Variants in CACNB2 observed in about 807,000 individuals in gnomAD.
CACNB2 encodes the protein calcium voltage-gated channel auxiliary subunit beta 2, also known as voltage-dependent L-type calcium channel subunit beta-2.
Under a neutral mutation model 73.3 loss-of-function variants are expected in CACNB2, and 42 were observed. That is an observed-to-expected ratio of 0.57 (90% CI 0.45 to 0.74). The LOEUF is 0.74. CACNB2 is among the 30% of genes least tolerant of loss of function. The probability of loss-of-function intolerance (pLI) is 0.00; values close to 1 mark genes in which losing one functional copy is unlikely to be tolerated. For missense variants in CACNB2, 940 were observed against 853.0 expected (o/e 1.10, Z -1.27); for synonymous variants, 348 against 310.3 (o/e 1.12, Z -1.28).
intron 3 of CACNB2, among the ~76,000 whole-genome samples, chr10:18,433,124 G>GATATATATATATAT (rs68101548): frequency 6.7e-6 from 1 of 148,492 alleles, no homozygotes; most frequent in Admixed American, 6.7e-5. Flanking sequence ...TGCGTGTATT[G>GATATATATATATAT]ATATATATAT....
intron 2 of CACNB2, among the ~76,000 whole-genome samples, chr10:18,225,522 CT>C (rs2035954383): frequency 7.2e-6 from 1 of 139,656 alleles, no homozygotes; most frequent in Non-Finnish European, 1.5e-5. Flanking sequence ...TTCTCTCTCT[CT>C]TTTCTTTTCT....
chr10:18,233,635 G>A (rs2036310253), intron 2 of CACNB2, among the ~76,000 whole-genome samples: 1 of 152,152 alleles, frequency 6.6e-6, no homozygotes, highest in East Asian at 1.9e-4. Flanking sequence ...CATCTTTGTT[G>A]TTCGAAGAGC....
intron 9 of CACNB2, among the ~76,000 whole-genome samples, chr10:18,527,383 A>C (rs1334149783): frequency 2.6e-5 from 4 of 152,196 alleles, no homozygotes; most frequent in Non-Finnish European, 4.4e-5. Context: ...TCTCAAAACA[A>C]ACAAAAAACA....
chr10:18,366,083 T>C (rs1438786131), intron 2 of CACNB2, among the ~76,000 whole-genome samples: 4 of 152,202 alleles, frequency 2.6e-5, no homozygotes, highest in African/African-American at 9.6e-5. Flanking sequence ...CCCATCTACC[T>C]GGCTCACTGG....
chr10:18,460,688 C>A (rs112049194), intron 3 of CACNB2, among the ~76,000 whole-genome samples: 1 of 151,896 alleles, frequency 6.6e-6, no homozygotes, highest in Non-Finnish European at 1.5e-5. Flanking sequence ...CCCAGGAGTT[C>A]GAGAGCAGCC....
At chr10:18,398,868 G>A (rs557244159) in intron 2 of CACNB2, among the ~76,000 whole-genome samples, 1 of 152,140 alleles carries the variant, frequency 6.6e-6, no homozygotes, top group Non-Finnish European at 1.5e-5. Flanking sequence ...TCATTGAAGA[G>A]ATTTTTGTTT....
intron 12 of CACNB2, among the ~76,000 whole-genome samples, chr10:18,536,479 C>T (rs1407621025): frequency 6.6e-6 from 1 of 151,178 alleles, no homozygotes; most frequent in Non-Finnish European, 1.5e-5. Context: ...CCAGGCTGGT[C>T]TAGAACTCCT....
intron 2 of CACNB2, among the ~76,000 whole-genome samples, chr10:18,222,489 G>A (rs549180511): frequency 2.0e-5 from 3 of 152,054 alleles, no homozygotes; most frequent in South Asian, 4.2e-4. Flanking sequence ...TGATATTAAA[G>A]AGTTACTATT....
At chr10:18,430,262 A>C (rs897729149) in intron 3 of CACNB2, among the ~76,000 whole-genome samples, 1 of 152,070 alleles carries the variant, frequency 6.6e-6, no homozygotes, top group African/African-American at 2.4e-5. Context: ...AAACACACAA[A>C]CCTGTCTTCG....
chr10:18,525,837 C>A (rs924792242), intron 9 of CACNB2, among the ~76,000 whole-genome samples: 1 of 152,042 alleles, frequency 6.6e-6, no homozygotes, highest in Non-Finnish European at 1.5e-5. Flanking sequence ...TGTTACATTT[C>A]TTTTAACCTT....
intron 2 of CACNB2, among the ~76,000 whole-genome samples, chr10:18,245,341 C>T (rs1450927300): frequency 6.6e-6 from 1 of 152,242 alleles, no homozygotes. Flanking sequence ...TTATTCGAGA[C>T]AGGGTCTCAC....
At chr10:18,276,764 A>C (rs1298089876) in intron 2 of CACNB2, among the ~76,000 whole-genome samples, 1 of 151,946 alleles carries the variant, frequency 6.6e-6, no homozygotes, top group Non-Finnish European at 1.5e-5. Context: ...TTTTTAGTAG[A>C]GACAGGGTTT....
chr10:18,469,638 A>T (rs986210080), intron 3 of CACNB2, among the ~76,000 whole-genome samples: 13 of 152,082 alleles, frequency 8.5e-5, no homozygotes, highest in Non-Finnish European at 1.9e-4. Context: ...TTCGGTTCTA[A>T]CCTCTTAATT....
intron 2 of CACNB2, among the ~76,000 whole-genome samples, chr10:18,269,428 G>T (rs554426054): frequency 6.6e-6 from 1 of 151,984 alleles, no homozygotes; most frequent in Non-Finnish European, 1.5e-5. Context: ...TCAATGTCTT[G>T]CCATATTGCT....
At chr10:18,241,357 T>G (rs1055255198) in intron 2 of CACNB2, among the ~76,000 whole-genome samples, 2 of 152,212 alleles carry the variant, frequency 1.3e-5, no homozygotes, top group African/African-American at 2.4e-5. Flanking sequence ...AAGTGCTTGC[T>G]TTTGTGCTTT....
intron 3 of CACNB2, among the ~76,000 whole-genome samples, chr10:18,449,440 C>A (rs577019867): frequency 4.0e-4 from 61 of 152,116 alleles, no homozygotes; most frequent in Admixed American, 9.2e-4. Flanking sequence ...TCCAGTTCTA[C>A]CTCTCCTGCA....
chr10:18,208,015 T>A (rs2035165442), intron 2 of CACNB2, among the ~76,000 whole-genome samples: 1 of 152,220 alleles, frequency 6.6e-6, no homozygotes, highest in Non-Finnish European at 1.5e-5. Context: ...CAAGTTTCTA[T>A]TTAAACCCTG....
At chr10:18,532,533 G>C (rs926561248) in intron 10 of CACNB2, among the ~76,000 whole-genome samples, 1 of 151,678 alleles carries the variant, frequency 6.6e-6, no homozygotes, top group African/African-American at 2.4e-5. Context: ...CATTAGCTGG[G>C]CCTGGTGGCA....
chr10:18,449,723 C>T (rs2046924914), intron 3 of CACNB2, among the ~76,000 whole-genome samples: 1 of 152,256 alleles, frequency 6.6e-6, no homozygotes, highest in South Asian at 2.1e-4. Flanking sequence ...CTCTCTCTGA[C>T]TGTTGGCACG....
Sources: allele counts gnomAD v4.1 joint callset (sites outside exome capture counted in the v4.1 genomes callset), GRCh38; gene constraint gnomAD v4.1.1; transcripts MANE v1.5; gene names NCBI Gene and HGNC (gene_info 2026-07-23, HGNC 2026-07-21).